Variants in DCBLD1 observed in about 807,000 individuals in gnomAD.
DCBLD1 encodes discoidin, CUB and LCCL domain-containing protein 1.
A neutral mutation model predicts 71.5 loss-of-function variants in DCBLD1; 57 were observed. The observed-to-expected ratio is 0.80, with a 90% CI of 0.64 to 0.99. DCBLD1 has a LOEUF of 0.99. Among genes scored for constraint, DCBLD1 ranks in the 50% least tolerant of loss-of-function variants. DCBLD1 has a pLI of 0.00. For synonymous variants in DCBLD1, 380 were observed against 363.8 expected (o/e 1.04, Z -0.51); for missense variants, 891 against 923.5 (o/e 0.96, Z 0.46).
chr6:117,546,425 T>A (rs533381666), intron 14 of DCBLD1, among the ~76,000 whole-genome samples: 1 of 152,098 alleles, frequency 6.6e-6, no homozygotes, highest in African/African-American at 2.4e-5. Flanking sequence ...GCCATAGAAC[T>A]AGAAGCTCCC....
chr6:117,562,993 C>T (rs1777629371), intron 14 of DCBLD1: 1 of 421,132 alleles, frequency 2.4e-6, no homozygotes, highest in Admixed American at 4.1e-5. Context: ...CCCAGTAATA[C>T]CCCTTTGGGA....
At position 117,538,684 on chromosome 6, in the gene DCBLD1, G is replaced by A. The variant is rs370249373; in HGVS notation, c.825G>A (p.Ser275=). ...GQIRASSSWQ[S]VNESGDQVHW... The stretch of plus-strand genomic sequence containing the variant: ...TCAGAGCTTCTTCCTCATGGCAGTC[G>A]GTCAATGAGAGTGGAGACCAAGTTC... Residue 275 remains serine (S), a synonymous_variant, in exon 8 of 15, where the codon TCG becomes TCA. Coordinates refer to ENST00000338728, the MANE Select transcript of DCBLD1 (RefSeq NM_001366458.2). The A allele has an allele frequency of 3.2e-5, 51 of 1,613,892 alleles. No individual in the cohort carries two copies. The highest frequency in any genetic ancestry group is 3.3e-4 in the Middle Eastern group (2 of 6,084).
At chr6:117,535,198 T>A (rs530020009) in intron 6 of DCBLD1, among the ~76,000 whole-genome samples, 1 of 152,290 alleles carries the variant, frequency 6.6e-6, no homozygotes, top group South Asian at 2.1e-4. Context: ...AAAGTAAATA[T>A]CCAGGGGTCT....
At chr6:117,523,499 C>T (rs968428459) in intron 4 of DCBLD1, among the ~76,000 whole-genome samples, 1 of 152,020 alleles carries the variant, frequency 6.6e-6, no homozygotes, top group Non-Finnish European at 1.5e-5. Context: ...TGTGCAGACC[C>T]CACCAGCGTA....
intron 14 of DCBLD1, chr6:117,560,645 A>G (rs1395993878): frequency 5.1e-6 from 1 of 195,820 alleles, no homozygotes; most frequent in Non-Finnish European, 1.1e-5. Context: ...CGTCTTTCTC[A>G]AATTTATTTT....
chr6:117,525,543 A>T (rs1212500274), intron 5 of DCBLD1, 109 bp downstream of exon 5: 26 of 736,030 alleles, frequency 3.5e-5, no homozygotes, highest in Non-Finnish European at 4.8e-5. Context: ...CTCTAGATAG[A>T]TGCATGAGTC....
intron 2 of DCBLD1, among the ~76,000 whole-genome samples, chr6:117,510,348 C>CACACAG (rs1238782289): frequency 6.6e-6 from 1 of 150,966 alleles, no homozygotes; most frequent in Non-Finnish European, 1.5e-5. Flanking sequence ...CACAGACACA[C>CACACAG]ACACAGACAC....
At position 117,525,212 on chromosome 6, in the gene DCBLD1, A is replaced by G. The variant is rs564969030; in HGVS notation, c.513-150A>G. 3.3e-5 allele frequency: 14 copies of G among 427,034 alleles called. No individual in the cohort carries two copies. In the East Asian group the frequency reaches 4.7e-4, roughly 14 times the overall value. 26.5% of individuals were successfully genotyped at this position (427,034 alleles called of 1,614,324 possible). A position where few individuals can be genotyped will look rare whatever the true frequency, so the allele number is the denominator to read the frequency against. On this transcript the variant is annotated intron_variant, in intron 4 of 14. Transcript: ENST00000338728. ...GCCTTCAGATGAACATTATAGATCA[A>G]TCTGTATTTTCACAAATCAGGTTTC...
rs1779391799 is a variant in DCBLD1, at chr6:117,549,665, T to C, written c.*1226T>C. On this transcript the variant is annotated 3_prime_UTR_variant, in exon 15 of 15. Coordinates refer to ENST00000338728, the MANE Select transcript of DCBLD1 (RefSeq NM_001366458.2). ...TATTACATCCTGTGAAATGTATATA[T>C]GTTAAAATAATGGGGGTGCTGGAAG... 1 of 985,430 alleles carries C rather than the reference T, an allele frequency of 1.0e-6. No homozygotes were observed. The highest frequency in any genetic ancestry group is 1.2e-6 in the Non-Finnish European group (1 of 829,946). The allele number at this position is 985,430 out of a possible 1,614,324, so 61.0% of individuals were successfully genotyped here.
At chr6:117,542,619 A>G (rs1273381609) in intron 11 of DCBLD1, among the ~76,000 whole-genome samples, 1 of 152,158 alleles carries the variant, frequency 6.6e-6, no homozygotes, top group African/African-American at 2.4e-5. Context: ...ATCAGGCTGC[A>G]CTTCCTCTCA....
At chr6:117,524,209 T>G (rs1039913912) in intron 4 of DCBLD1, among the ~76,000 whole-genome samples, 3 of 151,970 alleles carry the variant, frequency 2.0e-5, no homozygotes, top group Non-Finnish European at 2.9e-5. Context: ...AATTTTTTTT[T>G]TTTTTTTGAG....
intron 1 of DCBLD1, among the ~76,000 whole-genome samples, chr6:117,498,721 T>C (rs1309653017): frequency 6.6e-6 from 1 of 152,200 alleles, no homozygotes; most frequent in African/African-American, 2.4e-5. Flanking sequence ...TATTTTTTCA[T>C]TTATTCTGCA....
intron 6 of DCBLD1, among the ~76,000 whole-genome samples, chr6:117,534,961 A>G (rs1464552503): frequency 6.6e-6 from 1 of 152,162 alleles, no homozygotes; most frequent in Non-Finnish European, 1.5e-5. Context: ...TCTTATTTCT[A>G]GATCTGTGAT....
In DCBLD1 at chr6:117,548,219, C is replaced by CGCTTCTCCCCCGTGT; in HGVS notation, c.1929_1930insCTTCTCCCCCGTGTG (p.Ala643_Gly644insLeuLeuProArgVal). Reference sequence around the variant, plus strand: ...TCCTCGGGCGGCTTCTCCCCCGTAGCGGGTGTGGGCGCCCAGGACGGAGAC... The same window carrying CGCTTCTCCCCCGTGT: ...TCCTCGGGCGGCTTCTCCCCCGTAGCGCTTCTCCCCCGTGTGGGTGTGGGCGCCCAGGACGGAGAC... On this transcript the variant is annotated inframe_insertion, in exon 15 of 15. Transcript: ENST00000338728. 7 of 1,550,548 alleles carry CGCTTCTCCCCCGTGT rather than the reference C, an allele frequency of 4.5e-6. No individual in the cohort carries two copies. Among genetic ancestry groups the CGCTTCTCCCCCGTGT allele is most frequent in the Admixed American group, 2.0e-5 (1 of 51,010 alleles).
Position 117,569,743 on chromosome 6 carries a change from A to AT in DCBLD1, c.*119_*120insT, listed in dbSNP as rs758544049. ...CACCATGTTCTTTCCCACCCTAACA[A>AT]CAACAAAGGGCAGTAAATTAAAGTA... On this transcript the variant is annotated 3_prime_UTR_variant, in exon 15 of 15. Coordinates refer to the DCBLD1 transcript ENST00000296955. 4 of 1,576,080 alleles carry AT rather than the reference A, an allele frequency of 2.5e-6. No homozygotes were observed. In the African/African-American group the frequency reaches 5.5e-5, roughly 22 times the overall value.
chr6:117,563,425 TAA>T, intron 14 of DCBLD1: 1 of 1,606,866 alleles, frequency 6.2e-7, no homozygotes, highest in South Asian at 1.1e-5. Context: ...CTTTCTGGTT[TAA>T]AAAGTTGGTT....
chr6:117,545,600 A>T lies in DCBLD1; in HGVS notation c.1615+3A>T. On this transcript the variant is annotated splice_donor_region_variant and intron_variant, in intron 14 of 14. Transcript: ENST00000338728. Reference sequence around the variant, plus strand: ...TCTCATCACAAGTGATATGGCAGGTAAGTGTCATATTTCTAGGACTGTGCT... The same window carrying T: ...TCTCATCACAAGTGATATGGCAGGTTAGTGTCATATTTCTAGGACTGTGCT... 1 of 1,613,500 alleles carries T rather than the reference A, an allele frequency of 6.2e-7. No individual in the cohort carries two copies. Among genetic ancestry groups the T allele is most frequent in the South Asian group, 1.1e-5 (1 of 90,918 alleles).
chr6:117,529,211 C>G (rs1180134117), intron 5 of DCBLD1, among the ~76,000 whole-genome samples: 1 of 152,080 alleles, frequency 6.6e-6, no homozygotes, highest in Non-Finnish European at 1.5e-5. Flanking sequence ...TAAAAGTTGC[C>G]TTCAGATGAA....
At chr6:117,522,675 C>T (rs959753419) in intron 4 of DCBLD1, among the ~76,000 whole-genome samples, 2 of 152,124 alleles carry the variant, frequency 1.3e-5, no homozygotes, top group Admixed American at 6.6e-5. Context: ...CTTCTGGACT[C>T]AGCTTCCCAA....
Sources: gnomAD v4.1 joint callset for allele counts (sites outside exome capture counted in the v4.1 genomes callset) on GRCh38, gnomAD v4.1.1 for gene constraint, MANE v1.5 for transcripts, NCBI Gene and HGNC (gene_info 2026-07-23, HGNC 2026-07-21) for gene names.